The following SCML4 variants were observed in gnomAD, a reference collection of about 807,000 sequenced individuals.
SCML4 encodes the protein sex comb on midleg-like protein 4.
A neutral mutation model predicts 41.1 loss-of-function variants in SCML4; 34 were observed. The ratio of observed to expected loss-of-function variants is 0.83; its 90% CI spans 0.63 to 1.10. SCML4 has a LOEUF of 1.10. Ranked by LOEUF, SCML4 falls within the 50% of genes least tolerant of loss-of-function variation. SCML4 has a pLI of 0.00. For synonymous variants in SCML4, 214 were observed against 220.9 expected (o/e 0.97, Z 0.28); for missense variants, 522 against 534.1 (o/e 0.98, Z 0.22).
chr6:107,731,594 T>A (rs931205793), intron 5 of SCML4, among the ~76,000 whole-genome samples: 1 of 152,184 alleles, frequency 6.6e-6, no homozygotes, highest in South Asian at 2.1e-4. Context: ...GCCCTGGCCT[T>A]GCTCAGGATT....
Position 107,749,693 on chromosome 6 carries a change from C to T in SCML4, c.277G>A (p.Ala93Thr). ...ATVPSLAAPQ[A>T]LTVCLYINKQ... Reference sequence around the variant, plus strand: ...CATTCTGCTGACCTACCTGTGAGAGCCTGTGGGGCCGCCAAGCTGGGGACC... The same window carrying T: ...CATTCTGCTGACCTACCTGTGAGAGTCTGTGGGGCCGCCAAGCTGGGGACC... The change falls in exon 3 of 8, where the codon GCT becomes ACT. Residue 93 changes from alanine to threonine, a missense_variant. Physicochemically the swap from Ala to Thr is moderately conservative, Grantham distance 58. Coordinates refer to ENST00000369020, the MANE Select transcript of SCML4 (RefSeq NM_198081.5). The T allele has an allele frequency of 1.2e-6, 2 of 1,613,918 alleles. No homozygotes were observed. Among genetic ancestry groups the T allele is most frequent in the Non-Finnish European group, 1.7e-6 (2 of 1,179,982 alleles).
the SCML4 span, among the ~76,000 whole-genome samples, chr6:107,839,344 AGAAAGAAAGAAAGAAAGAAAGAAG>A: frequency 0.027 from 430 of 15,786 alleles, 4 homozygotes; most frequent in Admixed American, 0.049. Flanking sequence ...AGAGAGAAAA[AGAAAGAAAGAAAGAAAGAAAGAAG>A]GAAAGAAAGA....
At position 107,797,540 on chromosome 6, in the gene SCML4, G is replaced by C. The variant is rs570103013; in HGVS notation, c.-59-25154C>G. Among the ~76,000 whole-genome samples the C allele has an allele frequency of 1.6e-4, 25 of 151,962 alleles. No homozygotes were observed. The South Asian group carries it at 5.0e-3, about 30-fold the overall frequency. ...GTAAGGCTTTTTGTACATTCCTTTA[G>C]ATTTACTATATACATAATCATATCG... On this transcript the variant is annotated intron_variant, in intron 1 of 7. Transcript: ENST00000369020.
At chr6:107,751,637 TCTTTCTTTC>T (rs1323274880) in intron 2 of SCML4, among the ~76,000 whole-genome samples, 4 of 143,596 alleles carry the variant, frequency 2.8e-5, no homozygotes, top group African/African-American at 1.1e-4. Flanking sequence ...TTTCTTTCTT[TCTTTCTTTC>T]TTTTTTGAGA....
At chr6:107,739,971 T>G (rs1207375462) in intron 5 of SCML4, 2 of 371,980 alleles carry the variant, frequency 5.4e-6, no homozygotes, top group Non-Finnish European at 1.0e-5. Flanking sequence ...CACTCAGCTC[T>G]GCTGAGAAAT....
At chr6:107,787,278 C>T (rs1052914704) in intron 1 of SCML4, among the ~76,000 whole-genome samples, 1 of 152,154 alleles carries the variant, frequency 6.6e-6, no homozygotes, top group Non-Finnish European at 1.5e-5. Context: ...TTATTTATTG[C>T]CTACAGAGCT....
chr6:107,769,091 C>T (rs1780302347), intron 2 of SCML4, among the ~76,000 whole-genome samples: 1 of 152,190 alleles, frequency 6.6e-6, no homozygotes, highest in African/African-American at 2.4e-5. Context: ...TCTGTTTGAT[C>T]ATGAACAAGG....
chr6:107,747,007 C>G (rs1778172613), intron 3 of SCML4, 118 bp from the exon 4 acceptor site: 1 of 777,324 alleles, frequency 1.3e-6, no homozygotes, highest in Non-Finnish European at 2.0e-6. Flanking sequence ...CTTGGGAAAG[C>G]TGGCAAGGGC....
At chr6:107,734,644 A>C (rs187918164) in intron 5 of SCML4, among the ~76,000 whole-genome samples, 1 of 152,214 alleles carries the variant, frequency 6.6e-6, no homozygotes, top group African/African-American at 2.4e-5. Context: ...TACAGATATC[A>C]TAATTTAATG....
chr6:107,807,734 C>T (rs1438508607), intron 1 of SCML4, among the ~76,000 whole-genome samples: 2 of 152,180 alleles, frequency 1.3e-5, no homozygotes, highest in African/African-American at 2.4e-5. Flanking sequence ...GCCATTTCCC[C>T]GCAGAGCACA....
chr6:107,747,151 T>C (rs1437533654), intron 3 of SCML4, among the ~76,000 whole-genome samples: 2 of 152,242 alleles, frequency 1.3e-5, no homozygotes, highest in African/African-American at 4.8e-5. Context: ...TCTGATCTAC[T>C]GAAATCTGAA....
intron 5 of SCML4, among the ~76,000 whole-genome samples, chr6:107,724,810 A>T (rs1274964441): frequency 6.6e-6 from 1 of 152,230 alleles, no homozygotes; most frequent in Non-Finnish European, 1.5e-5. Context: ...AGGGACACAG[A>T]ATAGCCAAAG....
chr6:107,748,436 G>A (rs1375804860), intron 3 of SCML4, among the ~76,000 whole-genome samples: 5 of 152,144 alleles, frequency 3.3e-5, no homozygotes, highest in African/African-American at 1.2e-4. Context: ...ATAGTCTCAA[G>A]ACAAGCATGT....
chr6:107,805,188 G>C (rs1052189978), intron 1 of SCML4, among the ~76,000 whole-genome samples: 8 of 152,172 alleles, frequency 5.3e-5, no homozygotes, highest in Admixed American at 1.3e-4. Context: ...TGGGGTGGCT[G>C]TCAAGGGTGG....
the SCML4 span, among the ~76,000 whole-genome samples, chr6:107,835,735 G>T: frequency 7.9e-6 from 1 of 126,454 alleles, no homozygotes; most frequent in African/African-American, 3.0e-5. Context: ...CTGCACTCCA[G>T]CCTGGGTAAG....
At chr6:107,793,751 A>T (rs1782512983) in intron 1 of SCML4, among the ~76,000 whole-genome samples, 1 of 152,226 alleles carries the variant, frequency 6.6e-6, no homozygotes, top group African/African-American at 2.4e-5. Flanking sequence ...GTTTAAGACC[A>T]GCCTGGGCAA....
chr6:107,759,287 G>A (rs910385075), intron 2 of SCML4, among the ~76,000 whole-genome samples: 8 of 152,082 alleles, frequency 5.3e-5, no homozygotes, highest in East Asian at 1.9e-4. Flanking sequence ...CCGAGATTGC[G>A]CCACTGCACT....
chr6:107,737,525 A>AT (rs1777192342), intron 5 of SCML4, among the ~76,000 whole-genome samples: 1 of 152,178 alleles, frequency 6.6e-6, no homozygotes, highest in African/African-American at 2.4e-5. Context: ...GGCCACACTT[A>AT]TAGCAGAGAA....
At chr6:107,792,365 T>A (rs756303975) in intron 1 of SCML4, among the ~76,000 whole-genome samples, 2 of 152,212 alleles carry the variant, frequency 1.3e-5, no homozygotes, top group Non-Finnish European at 2.9e-5. Flanking sequence ...GGATGGCTAA[T>A]GTTACAGATT....
Sources: allele counts gnomAD v4.1 joint callset (sites outside exome capture counted in the v4.1 genomes callset), GRCh38; gene constraint gnomAD v4.1.1; transcripts MANE v1.5; gene names NCBI Gene and HGNC (gene_info 2026-07-23, HGNC 2026-07-21).